Variants in GUCY1A2 observed in about 807,000 individuals in gnomAD.
The protein encoded by GUCY1A2 is guanylate cyclase 1 soluble subunit alpha 2.
In GUCY1A2, 27 loss-of-function variants were observed where a neutral mutation model predicts 63.5. That is an observed-to-expected ratio of 0.43 (90% CI 0.31 to 0.59). The LOEUF (loss-of-function observed/expected upper bound fraction) is 0.59. GUCY1A2 is among the 20% of genes least tolerant of loss of function. The probability of loss-of-function intolerance (pLI) is 0.11; values close to 1 mark genes in which losing one functional copy is unlikely to be tolerated. For missense variants in GUCY1A2, 768 were observed against 913.3 expected, an observed-to-expected ratio of 0.84 and a Z score of 2.05; for synonymous variants, 364 against 343.5, an observed-to-expected ratio of 1.06 and a Z score of -0.66.
At chr11:106,862,897 T>G (rs1859532884) in intron 4 of GUCY1A2, among the ~76,000 whole-genome samples, 1 of 152,058 alleles carries the variant, frequency 6.6e-6, no homozygotes, top group South Asian at 2.1e-4. Flanking sequence ...TTGAGATACC[T>G]AGAGAAGATT....
chr11:106,952,673 C>T (rs865782371), intron 3 of GUCY1A2, among the ~76,000 whole-genome samples: 8 of 150,808 alleles, frequency 5.3e-5, no homozygotes, highest in Admixed American at 1.3e-4. Flanking sequence ...TCTTTTTAAA[C>T]AGAGTCTTGA....
chr11:106,756,296 C>A (rs1001538995), intron 6 of GUCY1A2, among the ~76,000 whole-genome samples: 3 of 152,232 alleles, frequency 2.0e-5, no homozygotes, highest in African/African-American at 2.4e-5. Flanking sequence ...CTTGACTCTT[C>A]ATCCAATTTG....
chr11:107,003,564 T>G (rs1315535687), intron 1 of GUCY1A2, among the ~76,000 whole-genome samples: 1 of 152,168 alleles, frequency 6.6e-6, no homozygotes, highest in Non-Finnish European at 1.5e-5. Flanking sequence ...ATCCCATATC[T>G]TCAATCCTCT....
chr11:107,017,848 C>A lies in GUCY1A2; in HGVS notation c.208G>T (p.Ala70Ser). ...CTCCTGGCCCCGGCAGTGGCAGCGG[C>A]GGCGGCGGCAGAAGCAGCCGGGGTC... ...APTPAASAAAAAATAGARRVQ... is the reference protein window; with the variant it reads ...APTPAASAAASAATAGARRVQ... The change falls in exon 1 of 8, where the codon GCC (alanine) becomes TCC (serine). Residue 70 changes from alanine (A) to serine (S), a missense_variant. Around this residue, in one of 3 missense-constraint regions of GUCY1A2, gnomAD observed 496 missense variants for 486.9 expected, o/e 1.02. Transcript: ENST00000526355. 1 of 1,259,218 alleles carries A rather than the reference C, an allele frequency of 7.9e-7. No homozygotes were observed. Among genetic ancestry groups the A allele is most frequent in the Non-Finnish European group, 1.0e-6 (1 of 1,002,570 alleles). 78.0% of individuals were successfully genotyped at this position (1,259,218 alleles called of 1,614,324 possible).
At chr11:106,704,995 G>T (rs911659397) in intron 7 of GUCY1A2, among the ~76,000 whole-genome samples, 3 of 151,788 alleles carry the variant, frequency 2.0e-5, no homozygotes, top group Admixed American at 2.0e-4. Context: ...TCATTGGGAT[G>T]ATGGGAACAA....
rs528526828 is a variant in GUCY1A2, at chr11:106,767,745, A to G, written c.1836+8694T>C. On this transcript the variant is annotated intron_variant, in intron 6 of 7. Coordinates refer to ENST00000526355, the MANE Select transcript of GUCY1A2 (RefSeq NM_000855.3). ...TATTGAAGTTCAGCACTATAGCATC[A>G]TGTCAGAAGAGTAATTCTATAATTA... is the stretch of plus-strand genomic sequence containing the variant. Among the ~76,000 whole-genome samples, 43 of 152,290 alleles carry G rather than the reference A, an allele frequency of 2.8e-4. 4 individuals are homozygous for G. The South Asian group carries it at 8.7e-3, about 31-fold the overall frequency.
intron 5 of GUCY1A2, among the ~76,000 whole-genome samples, chr11:106,792,028 T>A (rs1458920798): frequency 6.6e-6 from 1 of 152,094 alleles, no homozygotes; most frequent in Non-Finnish European, 1.5e-5. Context: ...GCATCCTTGA[T>A]GAACACTGAT....
chr11:106,938,195 C>T (rs1187045440), intron 4 of GUCY1A2, among the ~76,000 whole-genome samples: 2 of 152,112 alleles, frequency 1.3e-5, no homozygotes, highest in Non-Finnish European at 1.5e-5. Context: ...CTGCCCACCT[C>T]GGCCTCCCAA....
At chr11:106,760,117 C>T (rs1022359203) in intron 6 of GUCY1A2, among the ~76,000 whole-genome samples, 4 of 152,254 alleles carry the variant, frequency 2.6e-5, no homozygotes, top group East Asian at 3.9e-4. Context: ...ACGGCCAACA[C>T]GTTGATCTCG....
At position 106,784,001 on chromosome 11, in the gene GUCY1A2, G is replaced by A. The variant is rs1045381976; in HGVS notation, c.1693-7419C>T. ...TCCAGCTCCAGCCTTCAGAAAGTCC[G>A]TGGCATTCAGAGGCCAGGGCTTTGC... On this transcript the variant is annotated intron_variant, in intron 5 of 7. Coordinates refer to ENST00000526355, the MANE Select transcript of GUCY1A2 (RefSeq NM_000855.3). 3.9e-5 allele frequency among the ~76,000 whole-genome samples: 6 copies of A among 152,150 alleles called. No homozygotes were observed. In the South Asian group the frequency reaches 6.2e-4, roughly 16 times the overall value.
Position 106,928,505 on chromosome 11 carries a change from A to G in GUCY1A2, c.1206+10955T>C, listed in dbSNP as rs779157916. The stretch of plus-strand genomic sequence containing the variant: ...CTCCAAGGAAAAAAAAAAAACCACC[A>G]TGTCTTCATTAGGAAAAACGGAAAA... On this transcript the variant is annotated intron_variant, in intron 4 of 7. Coordinates refer to ENST00000526355, the MANE Select transcript of GUCY1A2 (RefSeq NM_000855.3). 1.1e-3 allele frequency among the ~76,000 whole-genome samples: 169 copies of G among 152,108 alleles called. 2 individuals are homozygous for G. In the Middle Eastern group the frequency reaches 0.017, roughly 16 times the overall value.
chr11:106,724,861 CTCATTTGATT>C (rs1863377464), intron 6 of GUCY1A2, among the ~76,000 whole-genome samples: 1 of 152,164 alleles, frequency 6.6e-6, no homozygotes, highest in Non-Finnish European at 1.5e-5. Context: ...CATCTATTAT[CTCATTTGATT>C]TCATTTACTA....
At chr11:106,895,400 C>A (rs1311510083) in intron 4 of GUCY1A2, among the ~76,000 whole-genome samples, 1 of 152,126 alleles carries the variant, frequency 6.6e-6, no homozygotes, top group Non-Finnish European at 1.5e-5. Flanking sequence ...TGTGTCCCCA[C>A]CAAATCTTAT....
intron 6 of GUCY1A2, among the ~76,000 whole-genome samples, chr11:106,774,257 G>A (rs1429028064): frequency 6.6e-6 from 1 of 151,858 alleles, no homozygotes; most frequent in South Asian, 2.1e-4. Flanking sequence ...TCAGCCTCCT[G>A]AGTAGCTGGG....
At chr11:106,904,287 T>A (rs1860174262) in intron 4 of GUCY1A2, among the ~76,000 whole-genome samples, 1 of 152,118 alleles carries the variant, frequency 6.6e-6, no homozygotes, top group African/African-American at 2.4e-5. Context: ...ATAAGTAACA[T>A]ACTGAAAGTG....
chr11:106,902,418 C>T (rs1860146596), intron 4 of GUCY1A2, among the ~76,000 whole-genome samples: 1 of 152,184 alleles, frequency 6.6e-6, no homozygotes, highest in African/African-American at 2.4e-5. Context: ...GCTGCATTAG[C>T]TCCTAACAAG....
chr11:107,003,979 G>A (rs1158635252), intron 1 of GUCY1A2, among the ~76,000 whole-genome samples: 1 of 152,174 alleles, frequency 6.6e-6, no homozygotes, highest in African/African-American at 2.4e-5. Context: ...TCTCAGAGTT[G>A]CCTAAATTAG....
At position 106,842,437 on chromosome 11, in the gene GUCY1A2, G is replaced by A. The variant is rs114824076; in HGVS notation, c.1207-31959C>T. Among the ~76,000 whole-genome samples the A allele has an allele frequency of 4.0e-3, 608 of 152,096 alleles. 2 individuals carry two copies. The highest frequency in any genetic ancestry group is 0.014 in the African/African-American group (578 of 41,538). ...TTGAGTCAGTGTTGTAGAATAAACAGACCACTGGACTGTCTACTAAATAAA... is the reference window on the plus strand; with the variant it reads ...TTGAGTCAGTGTTGTAGAATAAACAAACCACTGGACTGTCTACTAAATAAA... On this transcript the variant is annotated intron_variant, in intron 4 of 7. Coordinates refer to ENST00000526355, the MANE Select transcript of GUCY1A2 (RefSeq NM_000855.3).
intron 6 of GUCY1A2, among the ~76,000 whole-genome samples, chr11:106,759,797 T>C (rs899824071): frequency 4.6e-5 from 7 of 152,164 alleles, no homozygotes; most frequent in Non-Finnish European, 1.0e-4. Flanking sequence ...TAGCCAGTCG[T>C]TGGGGCAGGC....
Sources: allele counts gnomAD v4.1 joint callset (sites outside exome capture counted in the v4.1 genomes callset), GRCh38; gene constraint gnomAD v4.1.1; regional missense constraint gnomAD v4.1.1; transcripts MANE v1.5; gene names NCBI Gene and HGNC (gene_info 2026-07-23, HGNC 2026-07-21).